Variants in PCSK6 observed in about 807,000 individuals in gnomAD.
PCSK6 encodes the protein proprotein convertase subtilisin/kexin type 6.
A neutral mutation model predicts 123.3 loss-of-function variants in PCSK6; 85 were observed. The observed-to-expected ratio is 0.69, with a 90% CI of 0.58 to 0.83. The LOEUF (loss-of-function observed/expected upper bound fraction) is 0.83. Among genes scored for constraint, PCSK6 ranks in the 40% least tolerant of loss-of-function variants. The pLI is 0.00. For missense variants in PCSK6, 1,191 were observed against 1,282.3 expected (o/e 0.93, Z 1.09); for synonymous variants, 508 against 516.0 (o/e 0.98, Z 0.21).
At chr15:101,412,712 T>TATATATATATATATATATATATATAA (rs376981204) in intron 6 of PCSK6, among the ~76,000 whole-genome samples, 19 of 136,366 alleles carry the variant, frequency 1.4e-4, no homozygotes, top group South Asian at 1.3e-3. Context: ...TATATATATA[T>TATATATATATATATATATATATATAA]AAAATTACCC....
chr15:101,316,913 T>G lies in PCSK6; in HGVS notation c.2569+1406A>C, dbSNP rs552796065. 1.0e-4 allele frequency among the ~76,000 whole-genome samples: 10 copies of G among 100,000 alleles called. 1 individual carries two copies. Among genetic ancestry groups the G allele is most frequent in the Admixed American group, 3.0e-4 (3 of 9,974 alleles). The allele number at this position is 100,000 out of a possible 152,430, so 65.6% of individuals were successfully genotyped here. A position where few individuals can be genotyped will look rare whatever the true frequency, so the allele number is the denominator to read the frequency against. On this transcript the variant is annotated intron_variant, in intron 19 of 21. Transcript: ENST00000611716. ...GGTTTAGCAGAGACTTAATTCTGTT[T>G]TTTTTTTTTTTTTTTTGACAGAGTC...
intron 19 of PCSK6, among the ~76,000 whole-genome samples, chr15:101,317,784 T>C (rs1313088928): frequency 6.6e-6 from 1 of 152,244 alleles, no homozygotes; most frequent in Non-Finnish European, 1.5e-5. Flanking sequence ...AGGCTGCGTG[T>C]TCAAAGTGGG....
In PCSK6 at chr15:101,450,971, C is replaced by T. The variant is rs577688970; in HGVS notation, c.298-7311G>A. On this transcript the variant is annotated intron_variant, in intron 1 of 21. Coordinates refer to ENST00000611716, the MANE Select transcript of PCSK6 (RefSeq NM_002570.5). ...ACGCACCAGCCATGAGAAGAACTCTCGGGCGCAGGTGTGGACAAGCAGAAG... is the reference window on the plus strand; with the variant it reads ...ACGCACCAGCCATGAGAAGAACTCTTGGGCGCAGGTGTGGACAAGCAGAAG... 2.8e-4 allele frequency among the ~76,000 whole-genome samples: 43 copies of T among 151,570 alleles called. 2 individuals carry two copies. In the South Asian group the frequency reaches 8.3e-3, roughly 29 times the overall value.
chr15:101,483,388 A>G (rs1437113947), intron 1 of PCSK6, among the ~76,000 whole-genome samples: 1 of 152,216 alleles, frequency 6.6e-6, no homozygotes, highest in Admixed American at 6.5e-5. Context: ...CCTGCTCAGT[A>G]GCTATTTTAA....
chr15:101,445,140 C>A (rs2056854677), intron 1 of PCSK6, among the ~76,000 whole-genome samples: 3 of 152,216 alleles, frequency 2.0e-5, no homozygotes, highest in Admixed American at 2.0e-4. Context: ...CTATATAGAG[C>A]CTAGCTGAGT....
chr15:101,467,651 C>T (rs72757664), intron 1 of PCSK6, among the ~76,000 whole-genome samples: 4,026 of 152,290 alleles, frequency 0.026, 75 homozygotes, highest in Non-Finnish European at 0.038. Flanking sequence ...CCAAAAAACA[C>T]GGTAGTGTTC....
intron 13 of PCSK6, among the ~76,000 whole-genome samples, chr15:101,364,000 C>T (rs953944288): frequency 6.6e-6 from 1 of 152,112 alleles, no homozygotes; most frequent in African/African-American, 2.4e-5. Context: ...TGGGGGAGGT[C>T]CCAGATCCCT....
intron 6 of PCSK6, among the ~76,000 whole-genome samples, chr15:101,420,190 C>CAAAAAA (rs369741613): frequency 1.5e-4 from 13 of 84,422 alleles, no homozygotes; most frequent in East Asian, 7.5e-4. Context: ...GATTCTGTCT[C>CAAAAAA]AAAAAAAAAA....
rs997881589 is a variant in PCSK6 at position 101,433,666 on chromosome 15, C to T, written c.403-1566G>A. Reference sequence around the variant, plus strand: ...TGACCCAAGGCTGGCGACCCAGGGTCGTGCTGGAAGCTAGAACAGAGCTAC... The same window carrying T: ...TGACCCAAGGCTGGCGACCCAGGGTTGTGCTGGAAGCTAGAACAGAGCTAC... On this transcript the variant is annotated intron_variant, in intron 2 of 21. Transcript: ENST00000611716. Among the ~76,000 whole-genome samples the T allele has an allele frequency of 3.3e-5, 5 of 152,326 alleles. No individual in the cohort carries two copies. The East Asian group carries it at 5.8e-4, about 18-fold the overall frequency.
At chr15:101,487,066 G>T (rs1439662581) in intron 1 of PCSK6, among the ~76,000 whole-genome samples, 1 of 152,208 alleles carries the variant, frequency 6.6e-6, no homozygotes, top group Non-Finnish European at 1.5e-5. Flanking sequence ...TGAAAAAAAG[G>T]CAAATAAGGT....
In PCSK6 at chr15:101,463,210, G is replaced by A. The variant is rs533192488; in HGVS notation, c.298-19550C>T. The stretch of plus-strand genomic sequence containing the variant: ...CTCCTTTGCCCTCTGACTGTGGGTC[G>A]GTTTTGGAAACAGAAAATGGGAGAG... On this transcript the variant is annotated intron_variant, in intron 1 of 21. Coordinates refer to ENST00000611716, the MANE Select transcript of PCSK6 (RefSeq NM_002570.5). 6.5e-4 allele frequency: 281 copies of A among 430,996 alleles called. 1 individual carries two copies. The highest frequency in any genetic ancestry group is 4.8e-3 in the African/African-American group (233 of 48,960). The allele number at this position is 430,996 out of a possible 1,614,324, so 26.7% of individuals were successfully genotyped here.
intron 6 of PCSK6, among the ~76,000 whole-genome samples, chr15:101,405,751 A>AT (rs766498926): frequency 9.5e-5 from 14 of 148,020 alleles, no homozygotes; most frequent in South Asian, 2.2e-4. Flanking sequence ...CCTGCTTCTA[A>AT]TTTTTTTTTT....
At chr15:101,415,931 C>T (rs2055872872) in intron 6 of PCSK6, among the ~76,000 whole-genome samples, 1 of 152,222 alleles carries the variant, frequency 6.6e-6, no homozygotes, top group Non-Finnish European at 1.5e-5. Context: ...TCTTTTTCTT[C>T]CCAGTCTCGG....
intron 11 of PCSK6, among the ~76,000 whole-genome samples, chr15:101,379,857 A>G (rs966275269): frequency 2.6e-5 from 4 of 152,212 alleles, no homozygotes; most frequent in Middle Eastern, 3.2e-3. Context: ...GCTCAGTGGC[A>G]GAGCTGGCTG....
intron 11 of PCSK6, among the ~76,000 whole-genome samples, chr15:101,379,271 C>T (rs1353802109): frequency 6.6e-6 from 1 of 152,166 alleles, no homozygotes; most frequent in African/African-American, 2.4e-5. Flanking sequence ...GTTTCCTGCC[C>T]CTGCCCGTGA....
chr15:101,305,008 T>G lies in PCSK6; in HGVS notation c.*250A>C. On this transcript the variant is annotated 3_prime_UTR_variant, in exon 22 of 22. Coordinates refer to ENST00000611716, the MANE Select transcript of PCSK6 (RefSeq NM_002570.5). The surrounding 1 kb of genome is among the most constrained non-coding windows in gnomAD (Gnocchi z 4.8). Reference sequence around the variant, plus strand: ...CAGAGCTGTGGATTCCCAGAATTCATTTTGTTCCTGTTAGTTTGTCGGAAG... The same window carrying G: ...CAGAGCTGTGGATTCCCAGAATTCAGTTTGTTCCTGTTAGTTTGTCGGAAG... 2.1e-6 allele frequency: 1 copy of G among 487,160 alleles called. No individual in the cohort carries two copies. Among genetic ancestry groups the G allele is most frequent in the South Asian group, 3.1e-5 (1 of 32,564 alleles). 30.2% of individuals were successfully genotyped at this position (487,160 alleles called of 1,614,324 possible). A position where few individuals can be genotyped will look rare whatever the true frequency, so the allele number is the denominator to read the frequency against.
intron 1 of PCSK6, among the ~76,000 whole-genome samples, chr15:101,474,059 T>A (rs538764317): frequency 1.3e-5 from 2 of 152,350 alleles, no homozygotes; most frequent in East Asian, 3.9e-4. Context: ...TGTATAAGAC[T>A]GTTAATGAGC....
chr15:101,400,709 C>A (rs1227292227), intron 6 of PCSK6, among the ~76,000 whole-genome samples: 2 of 152,146 alleles, frequency 1.3e-5, no homozygotes, highest in African/African-American at 4.8e-5. Context: ...GGCAGAGATC[C>A]CTAACACATA....
At chr15:101,357,766 G>T (rs960448117) in intron 13 of PCSK6, among the ~76,000 whole-genome samples, 5 of 152,176 alleles carry the variant, frequency 3.3e-5, no homozygotes, top group African/African-American at 1.2e-4. Flanking sequence ...GTGAGCTCTG[G>T]GTAGACACGG....
Sources: gnomAD v4.1 joint callset for allele counts (sites outside exome capture counted in the v4.1 genomes callset) on GRCh38, gnomAD v4.1.1 for gene constraint, Gnocchi (gnomAD v3.1) non-coding constraint, MANE v1.5 for transcripts, NCBI Gene and HGNC (gene_info 2026-07-23, HGNC 2026-07-21) for gene names.